The following VSNL1 variants were observed in gnomAD, a reference collection of about 807,000 sequenced individuals.
VSNL1 encodes the protein visinin-like protein 1.
In VSNL1, 6 loss-of-function variants were observed where a neutral mutation model predicts 20.4. The observed-to-expected ratio is 0.29, with a 90% confidence interval of 0.16 to 0.58. The LOEUF is 0.58. Ranked by LOEUF, VSNL1 falls within the 20% of genes least tolerant of loss-of-function variation. The pLI is 0.90. For synonymous variants in VSNL1, 93 were observed against 86.4 expected (o/e 1.08, Z -0.42); for missense variants, 100 against 234.5 (o/e 0.43, Z 3.75).
chr2:17,569,870 A>G (rs965570140), intron 1 of VSNL1, among the ~76,000 whole-genome samples: 4 of 152,248 alleles, frequency 2.6e-5, no homozygotes, highest in African/African-American at 9.6e-5. Context: ...CCAGAGCTCC[A>G]TAATAGTTCC....
At chr2:17,555,068 C>T (rs545314905) in intron 1 of VSNL1, among the ~76,000 whole-genome samples, 26 of 152,274 alleles carry the variant, frequency 1.7e-4, no homozygotes, top group African/African-American at 6.3e-4. Context: ...ACTCTGACTA[C>T]AGGCTGCATA....
At chr2:17,571,025 C>CA (rs895156881) in intron 1 of VSNL1, among the ~76,000 whole-genome samples, 47 of 145,902 alleles carry the variant, frequency 3.2e-4, no homozygotes, top group African/African-American at 6.5e-4. Context: ...GACTCCATCT[C>CA]AAAAAAAAAA....
At chr2:17,643,176 C>CTCACAAAGCTCAGCAT (rs1665920231) in intron 2 of VSNL1, among the ~76,000 whole-genome samples, 1 of 152,188 alleles carries the variant, frequency 6.6e-6, no homozygotes, top group Middle Eastern at 3.2e-3. Flanking sequence ...CCCTCCTGCC[C>CTCACAAAGCTCAGCAT]TCACAAAGCT....
chr2:17,625,309 T>G (rs113908284), intron 2 of VSNL1, among the ~76,000 whole-genome samples: 16 of 152,286 alleles, frequency 1.1e-4, no homozygotes, highest in African/African-American at 3.8e-4. Flanking sequence ...CAGGGCTCAG[T>G]TCAAAGTACC....
chr2:17,623,398 G>A (rs1665430197), intron 2 of VSNL1, among the ~76,000 whole-genome samples: 1 of 151,208 alleles, frequency 6.6e-6, no homozygotes, highest in Admixed American at 6.6e-5. Flanking sequence ...GGCTGGGCAC[G>A]GTGGCTCACG....
intron 1 of VSNL1, among the ~76,000 whole-genome samples, chr2:17,550,648 ATG>A (rs1663512096): frequency 6.6e-6 from 1 of 152,212 alleles, no homozygotes; most frequent in African/African-American, 2.4e-5. Flanking sequence ...GACCCAAATA[ATG>A]TGAGTAAGGA....
intron 1 of VSNL1, among the ~76,000 whole-genome samples, chr2:17,554,527 C>CT (rs1663627649): frequency 6.6e-6 from 1 of 152,040 alleles, no homozygotes; most frequent in Non-Finnish European, 1.5e-5. Context: ...GAAGACATTA[C>CT]TTTTTCTTTC....
chr2:17,598,377 G>A (rs1347941924), intron 2 of VSNL1, among the ~76,000 whole-genome samples: 4 of 152,202 alleles, frequency 2.6e-5, no homozygotes, highest in Non-Finnish European at 5.9e-5. Flanking sequence ...CTGTGCAAAT[G>A]AAAACATTGG....
At chr2:17,578,189 C>T (rs1015999809) in intron 1 of VSNL1, among the ~76,000 whole-genome samples, 3 of 152,050 alleles carry the variant, frequency 2.0e-5, no homozygotes, top group African/African-American at 7.2e-5. Context: ...ATTTCCCTTC[C>T]CAGCTAGTAG....
chr2:17,604,263 G>C (rs181559682), intron 2 of VSNL1, among the ~76,000 whole-genome samples: 263 of 152,388 alleles, frequency 1.7e-3, no homozygotes, highest in African/African-American at 5.8e-3. Flanking sequence ...GAGCAGGGGA[G>C]CAGAGGAGCA....
intron 2 of VSNL1, among the ~76,000 whole-genome samples, chr2:17,619,799 A>T (rs1665311504): frequency 6.6e-6 from 1 of 152,082 alleles, no homozygotes; most frequent in Non-Finnish European, 1.5e-5. Flanking sequence ...TTTATTGGGC[A>T]TATACTATGA....
chr2:17,568,147 A>G (rs1167034048), intron 1 of VSNL1, among the ~76,000 whole-genome samples: 3 of 151,980 alleles, frequency 2.0e-5, no homozygotes, highest in African/African-American at 4.8e-5. Context: ...TCTGTTTTCT[A>G]TTGAATTAAG....
At chr2:17,541,662 T>TA (rs1198914959) in intron 1 of VSNL1, 1 of 152,202 alleles carries the variant, frequency 6.6e-6, no homozygotes. Flanking sequence ...AATCTGGGGT[T>TA]AAAAAATGTA....
intron 1 of VSNL1, among the ~76,000 whole-genome samples, chr2:17,557,277 A>G (rs1457266460): frequency 6.6e-6 from 1 of 152,170 alleles, no homozygotes; most frequent in Non-Finnish European, 1.5e-5. Context: ...TTGTTTTTAT[A>G]TTCACTATGT....
intron 1 of VSNL1, among the ~76,000 whole-genome samples, chr2:17,552,614 G>A (rs888191144): frequency 1.3e-5 from 2 of 152,110 alleles, no homozygotes; most frequent in Non-Finnish European, 2.9e-5. Flanking sequence ...AACGAATTAA[G>A]ACATATCATT....
intron 1 of VSNL1, among the ~76,000 whole-genome samples, chr2:17,557,174 A>G (rs1257732945): frequency 6.6e-6 from 1 of 152,196 alleles, no homozygotes; most frequent in African/African-American, 2.4e-5. Context: ...AGGTGAAGAA[A>G]TTGATACAGA....
At chr2:17,653,917 T>C (rs1666171981) in intron 3 of VSNL1, among the ~76,000 whole-genome samples, 3 of 152,300 alleles carry the variant, frequency 2.0e-5, no homozygotes, top group African/African-American at 7.2e-5. Context: ...AACCAACACA[T>C]CACTGTGTCT....
At chr2:17,626,564 C>T (rs1665513472) in intron 2 of VSNL1, among the ~76,000 whole-genome samples, 1 of 147,576 alleles carries the variant, frequency 6.8e-6, no homozygotes, top group Non-Finnish European at 1.5e-5. Flanking sequence ...ACCCTTCCCA[C>T]CCACCCTGCC....
At chr2:17,607,070 C>T (rs1177862569) in intron 2 of VSNL1, among the ~76,000 whole-genome samples, 1 of 152,084 alleles carries the variant, frequency 6.6e-6, no homozygotes, top group East Asian at 1.9e-4. Context: ...TGAAACAGGA[C>T]CTGGGCCACA....
Sources: gnomAD v4.1 joint callset for allele counts (sites outside exome capture counted in the v4.1 genomes callset) on GRCh38, gnomAD v4.1.1 for gene constraint, MANE v1.5 for transcripts, NCBI Gene and HGNC (gene_info 2026-07-23, HGNC 2026-07-21) for gene names.